The following ADGRL3 variants were observed in gnomAD, a reference collection of about 807,000 sequenced individuals.
ADGRL3 encodes adhesion G protein-coupled receptor L3.
ADGRL3 carries 62 observed loss-of-function variants against 153.5 expected under a neutral mutation model. The observed-to-expected ratio is 0.40, with a 90% confidence interval of 0.33 to 0.50. The LOEUF (loss-of-function observed/expected upper bound fraction) is 0.50, where lower values mean the gene tolerates loss of function less well. Ranked by LOEUF, ADGRL3 falls within the 20% of genes least tolerant of loss-of-function variation. The pLI, the probability that ADGRL3 is intolerant of heterozygous loss-of-function variation, is 0.47. For synonymous variants in ADGRL3, 710 were observed against 672.5 expected, an observed-to-expected ratio of 1.06 and a Z score of -0.86; for missense variants, 1,641 against 1,859.4, an observed-to-expected ratio of 0.88 and a Z score of 2.16.
At chr4:61,388,993 C>T (rs979673938) in intron 2 of ADGRL3, among the ~76,000 whole-genome samples, 1 of 152,210 alleles carries the variant, frequency 6.6e-6, no homozygotes. Flanking sequence ...TTGCCTCCTT[C>T]CATTATTTTA....
At chr4:61,537,190 A>G (rs1196222663) in intron 4 of ADGRL3, among the ~76,000 whole-genome samples, 1 of 144,838 alleles carries the variant, frequency 6.9e-6, no homozygotes, top group Non-Finnish European at 1.5e-5. Flanking sequence ...TTTTTAATTT[A>G]GGTAGTCTAA....
chr4:61,427,565 T>C (rs1278820273), intron 2 of ADGRL3: 1 of 153,046 alleles, frequency 6.5e-6, no homozygotes, highest in Non-Finnish European at 1.5e-5. Flanking sequence ...GTATGACATG[T>C]GCTCCACCAC....
intron 25 of ADGRL3, among the ~76,000 whole-genome samples, chr4:62,062,441 C>T (rs1285164720): frequency 6.6e-6 from 1 of 151,992 alleles, no homozygotes; most frequent in Non-Finnish European, 1.5e-5. Flanking sequence ...TCCTCTAATA[C>T]ATATATTTAA....
intron 17 of ADGRL3, among the ~76,000 whole-genome samples, chr4:61,957,003 T>C (rs761911771): frequency 8.5e-5 from 13 of 152,176 alleles, no homozygotes; most frequent in African/African-American, 3.1e-4. Context: ...TGCTTAGGAT[T>C]GTCTTGGCTA....
Position 62,071,370 on chromosome 4 carries a change from A to G in ADGRL3, c.*462A>G, listed in dbSNP as rs1196630366. On this transcript the variant is annotated 3_prime_UTR_variant, in exon 27 of 27. Transcript: ENST00000683033. Reference sequence around the variant, plus strand: ...TAAGAGCAAAGCAAAACTGTATCACATAGGGTTTTTGGTCACTCACAACCT... The same window carrying G: ...TAAGAGCAAAGCAAAACTGTATCACGTAGGGTTTTTGGTCACTCACAACCT... 2 of 168,534 alleles carry G rather than the reference A, an allele frequency of 1.2e-5. No homozygotes were observed. Among genetic ancestry groups the G allele is most frequent in the Admixed American group, 1.2e-4 (2 of 16,908 alleles). The allele number at this position is 168,534 out of a possible 1,614,324, so 10.4% of individuals were successfully genotyped here.
chr4:61,556,520 A>G (rs1341010883), intron 4 of ADGRL3, among the ~76,000 whole-genome samples: 1 of 152,074 alleles, frequency 6.6e-6, no homozygotes, highest in African/African-American at 2.4e-5. Flanking sequence ...CATAGCAGAA[A>G]CATGATTTGA....
chr4:61,414,077 G>A (rs1328500088), intron 2 of ADGRL3, among the ~76,000 whole-genome samples: 2 of 152,020 alleles, frequency 1.3e-5, no homozygotes, highest in Non-Finnish European at 2.9e-5. Context: ...AACACTGCTG[G>A]GACTAGAATT....
chr4:61,227,677 C>T (rs1054701897), intron 1 of ADGRL3, among the ~76,000 whole-genome samples: 1 of 152,134 alleles, frequency 6.6e-6, no homozygotes, highest in Non-Finnish European at 1.5e-5. Flanking sequence ...GTAGGGCTTA[C>T]GTTTTCATTT....
intron 6 of ADGRL3, among the ~76,000 whole-genome samples, chr4:61,703,227 T>G (rs2095799648): frequency 6.6e-6 from 1 of 152,140 alleles, no homozygotes; most frequent in South Asian, 2.1e-4. Context: ...ATAAAATTAT[T>G]ACAGGCAGTA....
At chr4:61,873,530 T>C (rs1279629419) in intron 9 of ADGRL3, among the ~76,000 whole-genome samples, 2 of 152,154 alleles carry the variant, frequency 1.3e-5, no homozygotes, top group East Asian at 1.9e-4. Flanking sequence ...TCACTAGAAA[T>C]TGAAAAAAGC....
chr4:61,568,248 C>T (rs908002216), intron 4 of ADGRL3, among the ~76,000 whole-genome samples: 32 of 152,082 alleles, frequency 2.1e-4, no homozygotes, highest in African/African-American at 7.2e-4. Context: ...AAGGCTTCTC[C>T]AGCAAGACAT....
intron 8 of ADGRL3, among the ~76,000 whole-genome samples, chr4:61,812,205 A>G (rs1460408066): frequency 6.6e-6 from 1 of 152,164 alleles, no homozygotes; most frequent in Admixed American, 6.6e-5. Context: ...TATTCTTTTT[A>G]TAATAATGTT....
chr4:61,483,684 C>T (rs1290336234), intron 2 of ADGRL3, among the ~76,000 whole-genome samples: 3 of 151,946 alleles, frequency 2.0e-5, no homozygotes, highest in Admixed American at 6.6e-5. Context: ...TTGCTATGAG[C>T]CGAGATCATG....
At chr4:61,823,307 G>A (rs2097772223) in intron 9 of ADGRL3, among the ~76,000 whole-genome samples, 2 of 152,104 alleles carry the variant, frequency 1.3e-5, no homozygotes, top group African/African-American at 2.4e-5. Flanking sequence ...TTTTGACAGA[G>A]GTATTGCTAG....
chr4:61,826,973 G>T (rs922172890), intron 9 of ADGRL3, among the ~76,000 whole-genome samples: 1 of 151,964 alleles, frequency 6.6e-6, no homozygotes, highest in Non-Finnish European at 1.5e-5. Context: ...CGAAGATTCC[G>T]TTTCGTTCTT....
chr4:61,909,663 A>G lies in ADGRL3; in HGVS notation c.1991A>G (p.Asp664Gly). ...GDITYSVRAM[D>G]QLVGLLDVQL... ...ATCACCTACTCTGTCCGGGCCATGG[A>G]CCAGCTGGTAGGCCTCCTAGATGTA... is the stretch of plus-strand genomic sequence containing the variant. Residue 664 changes from aspartate (D) to glycine (G), a missense_variant, in exon 12 of 27, where the codon GAC (aspartate) becomes GGC (glycine). Coordinates refer to ENST00000683033, the MANE Select transcript of ADGRL3 (RefSeq NM_001387552.1). 6.2e-7 allele frequency: 1 copy of G among 1,609,704 alleles called. No homozygotes were observed. The highest frequency in any genetic ancestry group is 8.5e-7 in the Non-Finnish European group (1 of 1,177,906).
In ADGRL3 at chr4:61,201,056, A is replaced by G. The variant is rs1734518700; in HGVS notation, c.-949A>G. 6.6e-6 allele frequency among the ~76,000 whole-genome samples: 1 copy of G among 151,864 alleles called. No homozygotes were observed. The highest frequency in any genetic ancestry group is 1.5e-5 in the Non-Finnish European group (1 of 67,956). On this transcript the variant is annotated 5_prime_UTR_variant, in exon 1 of 27. Coordinates refer to ENST00000683033, the MANE Select transcript of ADGRL3 (RefSeq NM_001387552.1). ...TCGGCTGGGAGAGAGCCTCGGGAGG[A>G]CGAAGAGGAGGACGGTTTGGCGGAG...
At chr4:61,584,790 C>T (rs1165956793) in intron 4 of ADGRL3, among the ~76,000 whole-genome samples, 1 of 151,876 alleles carries the variant, frequency 6.6e-6, no homozygotes, top group Admixed American at 6.6e-5. Context: ...AAAATCACCT[C>T]TATGATTCCA....
intron 25 of ADGRL3, among the ~76,000 whole-genome samples, chr4:62,055,136 T>C (rs1736338123): frequency 6.6e-6 from 1 of 151,814 alleles, no homozygotes. Flanking sequence ...AAAGCTCATA[T>C]GTCTGGACAA....
Sources: allele counts gnomAD v4.1 joint callset (sites outside exome capture counted in the v4.1 genomes callset), GRCh38; gene constraint gnomAD v4.1.1; transcripts MANE v1.5; gene names NCBI Gene and HGNC (gene_info 2026-07-23, HGNC 2026-07-21).